Variants in FIG4 observed in about 807,000 individuals in gnomAD.
FIG4 encodes the protein FIG4 phosphoinositide 5-phosphatase.
FIG4 carries 112 observed loss-of-function variants against 118.6 expected under a neutral mutation model. The observed-to-expected ratio is 0.94, with a 90% CI of 0.81 to 1.11. The LOEUF is 1.11. Among genes scored for constraint, FIG4 ranks in the 50% least tolerant of loss-of-function variants. FIG4 has a pLI of 0.00. For synonymous variants in FIG4, 369 were observed against 381.2 expected (o/e 0.97, Z 0.37); for missense variants, 969 against 1,111.7 (o/e 0.87, Z 1.83).
At chr6:109,820,853 G>C (rs973597527) in intron 22 of FIG4, among the ~76,000 whole-genome samples, 7 of 152,258 alleles carry the variant, frequency 4.6e-5, no homozygotes, top group African/African-American at 1.7e-4. Context: ...AGAGGATGTG[G>C]AAGTAAACCC....
chr6:109,773,456 T>C (rs1486107556), intron 15 of FIG4, among the ~76,000 whole-genome samples: 1 of 152,202 alleles, frequency 6.6e-6, no homozygotes, highest in Non-Finnish European at 1.5e-5. Context: ...ACTTGTTTTT[T>C]CTACTTCAAT....
intron 10 of FIG4, among the ~76,000 whole-genome samples, chr6:109,759,756 G>C (rs928246065): frequency 4.6e-5 from 7 of 152,240 alleles, no homozygotes; most frequent in Admixed American, 4.6e-4. Context: ...AGAAATGCCT[G>C]TTTTGGTTAT....
chr6:109,727,336 T>A, intron 4 of FIG4, 71 bp downstream of exon 4: 2 of 1,213,034 alleles, frequency 1.6e-6, no homozygotes, highest in South Asian at 1.2e-5. Flanking sequence ...GCTGGAAGGC[T>A]GGAATATAAT....
intron 1 of FIG4, among the ~76,000 whole-genome samples, chr6:109,704,675 C>CAAA (rs36013882): frequency 1.6e-3 from 111 of 67,734 alleles, no homozygotes; most frequent in East Asian, 2.6e-3. Context: ...GACTCCATCT[C>CAAA]AAAAAAAAAA....
At chr6:109,808,535 A>G (rs1426050491) in intron 22 of FIG4, among the ~76,000 whole-genome samples, 1 of 152,154 alleles carries the variant, frequency 6.6e-6, no homozygotes, top group Non-Finnish European at 1.5e-5. Context: ...TGTATTTCAA[A>G]GTACTATGGT....
At chr6:109,756,141 A>G (rs1041190013) in intron 10 of FIG4, among the ~76,000 whole-genome samples, 1 of 152,132 alleles carries the variant, frequency 6.6e-6, no homozygotes, top group African/African-American at 2.4e-5. Context: ...GGTGGTGACA[A>G]AATCTCTCAG....
intron 3 of FIG4, among the ~76,000 whole-genome samples, chr6:109,720,251 C>G (rs186251915): frequency 3.9e-5 from 6 of 152,282 alleles, no homozygotes; most frequent in Admixed American, 2.6e-4. Context: ...TTTTCTAGTA[C>G]AAGCTTAGAA....
In FIG4 at chr6:109,744,830, C is replaced by T. The variant is rs200796149; in HGVS notation, c.1137+1058C>T. Among the ~76,000 whole-genome samples the T allele has an allele frequency of 7.3e-5, 11 of 150,988 alleles. No homozygotes were observed. The East Asian group carries it at 1.6e-3, about 22-fold the overall frequency. ...AACAGGCCCCAGTGTGTGATGTTCCCGTCCTTGTGTCCATGTGTTCTCATT... is the reference window on the plus strand; with the variant it reads ...AACAGGCCCCAGTGTGTGATGTTCCTGTCCTTGTGTCCATGTGTTCTCATT... On this transcript the variant is annotated intron_variant, in intron 10 of 22. Coordinates refer to ENST00000230124, the MANE Select transcript of FIG4 (RefSeq NM_014845.6).
rs989555228 is a variant in FIG4 at position 109,735,037 on chromosome 6, A to C, written c.498-113A>C. The C allele has an allele frequency of 9.2e-6, 8 of 873,782 alleles. No homozygotes were observed. In the Admixed American group the frequency reaches 1.5e-4, roughly 16 times the overall value. The allele number at this position is 873,782 out of a possible 1,614,324, so 54.1% of individuals were successfully genotyped here. The stretch of plus-strand genomic sequence containing the variant: ...ATTTGAATAGCATTGCTTCCAAATA[A>C]AGTAATAGGTGCTAAGTAATTTAGT... On this transcript the variant is annotated intron_variant, in intron 5 of 22. Transcript: ENST00000230124.
In FIG4 at chr6:109,721,060, C is replaced by T. The variant is rs561963814; in HGVS notation, c.289+4492C>T. 1.8e-3 allele frequency among the ~76,000 whole-genome samples: 278 copies of T among 152,236 alleles called. 3 individuals are homozygous for T. The highest frequency in any genetic ancestry group is 6.8e-3 in the Middle Eastern group (2 of 294). ...GTACGTGTCCTTTTTCTGCCACTGT[C>T]GTCTGTCAGACGACACTCTTCTAAG... On this transcript the variant is annotated intron_variant, in intron 3 of 22. Coordinates refer to ENST00000230124, the MANE Select transcript of FIG4 (RefSeq NM_014845.6).
intron 14 of FIG4, 60 bp from the exon 15 acceptor site, chr6:109,766,669 A>G (rs1230899807): frequency 1.4e-6 from 2 of 1,450,964 alleles, no homozygotes; most frequent in Non-Finnish European, 1.9e-6. Context: ...AGTTTGGCTA[A>G]GTGAATAACT....
At chr6:109,724,121 A>T (rs1392201505) in intron 3 of FIG4, among the ~76,000 whole-genome samples, 2 of 151,982 alleles carry the variant, frequency 1.3e-5, no homozygotes, top group Non-Finnish European at 2.9e-5. Flanking sequence ...GGGGGGTGGG[A>T]GGAGGTTCCA....
chr6:109,697,801 A>G (rs960724106), intron 1 of FIG4, among the ~76,000 whole-genome samples: 1 of 152,146 alleles, frequency 6.6e-6, no homozygotes. Context: ...AAAAATGACT[A>G]TCCTTTATTG....
intron 22 of FIG4, among the ~76,000 whole-genome samples, chr6:109,820,994 C>A (rs1448316881): frequency 6.6e-6 from 1 of 152,178 alleles, no homozygotes. Context: ...CGCCAGAAAT[C>A]ATTGAAGCTG....
At chr6:109,766,237 A>G (rs952309429) in intron 14 of FIG4, among the ~76,000 whole-genome samples, 1 of 152,180 alleles carries the variant, frequency 6.6e-6, no homozygotes, top group Non-Finnish European at 1.5e-5. Context: ...CAGACACTAC[A>G]TCTACCAGCT....
chr6:109,784,070 A>T (rs1327293787), intron 16 of FIG4, among the ~76,000 whole-genome samples: 1 of 152,084 alleles, frequency 6.6e-6, no homozygotes, highest in Non-Finnish European at 1.5e-5. Context: ...TTTCAGCTTT[A>T]TATTTTTAGA....
intron 14 of FIG4, 50 bp downstream of exon 14, chr6:109,765,211 CCTGGTTA>C (rs748550268): frequency 6.6e-7 from 1 of 1,504,070 alleles, no homozygotes; most frequent in Admixed American, 1.7e-5. Context: ...AGAAGGCAAA[CCTGGTTA>C]CTAATAAGAT....
intron 1 of FIG4, among the ~76,000 whole-genome samples, chr6:109,694,675 G>T (rs1448630380): frequency 6.6e-6 from 1 of 152,122 alleles, no homozygotes; most frequent in African/African-American, 2.4e-5. Context: ...GAAAATATTT[G>T]CAAACTCTTC....
intron 10 of FIG4, among the ~76,000 whole-genome samples, chr6:109,753,522 ATT>A (rs1776779773): frequency 6.6e-6 from 1 of 152,108 alleles, no homozygotes; most frequent in Non-Finnish European, 1.5e-5. Flanking sequence ...GAATCTATAA[ATT>A]ACCTTGGGCA....
Sources: gnomAD v4.1 joint callset for allele counts (sites outside exome capture counted in the v4.1 genomes callset) on GRCh38, gnomAD v4.1.1 for gene constraint, MANE v1.5 for transcripts, NCBI Gene and HGNC (gene_info 2026-07-23, HGNC 2026-07-21) for gene names.